Variants in GYG2 observed in about 807,000 individuals in gnomAD.
GYG2 encodes glycogenin-2.
GYG2 carries 29 observed loss-of-function variants against 29.4 expected under a neutral mutation model. The observed-to-expected ratio is 0.99, with a 90% CI of 0.74 to 1.35. The LOEUF is 1.35. Ranked by LOEUF, GYG2 falls within the 40% of genes most tolerant of loss-of-function variation. The probability of loss-of-function intolerance (pLI) is 0.00; values close to 1 mark genes in which losing one functional copy is unlikely to be tolerated. For missense variants in GYG2, 370 were observed against 385.7 expected (o/e 0.96, Z 0.34); for synonymous variants, 167 against 172.3 (o/e 0.97, Z 0.24).
intron 8 of GYG2, among the ~76,000 whole-genome samples, chrX:2,874,536 G>C (rs1258401448): frequency 9.0e-6 from 1 of 111,730 alleles, no homozygotes; most frequent in African/African-American, 3.3e-5. Flanking sequence ...TTCTTTCCTA[G>C]AATTTCTCAT....
chrX:2,830,646 C>CT (rs1347963627), intron 2 of GYG2, among the ~76,000 whole-genome samples: 1 of 112,052 alleles, frequency 8.9e-6, no homozygotes, highest in Non-Finnish European at 1.9e-5. Flanking sequence ...GATGGCCCGG[C>CT]TTGGTGGCTC....
At chrX:2,877,476 G>A (rs2088629906) in intron 10 of GYG2, 169 bp downstream of exon 10, 2 of 1,076,831 alleles carry the variant, frequency 1.9e-6, no homozygotes, top group Non-Finnish European at 2.4e-6. Context: ...CTTCTCTCTG[G>A]CATTTGCCTG....
intron 3 of GYG2, among the ~76,000 whole-genome samples, chrX:2,851,150 T>C (rs1042296266): frequency 8.9e-6 from 1 of 111,770 alleles, no homozygotes; most frequent in African/African-American, 3.3e-5. Flanking sequence ...ACAAACAAAA[T>C]GTTGAAAATA....
At chrX:2,841,751 G>A (rs1057462381) in intron 2 of GYG2, among the ~76,000 whole-genome samples, 1 of 111,738 alleles carries the variant, frequency 8.9e-6, no homozygotes, top group Admixed American at 9.5e-5. Context: ...CTGCTTCCGG[G>A]AAAGGCGCTG....
chrX:2,876,008 G>T (rs1176680786), intron 9 of GYG2, 94 bp downstream of exon 9: 4 of 367,950 alleles, frequency 1.1e-5, no homozygotes, highest in African/African-American at 6.0e-5. Flanking sequence ...CAGTGGGGGC[G>T]CCATAGGCTT....
At chrX:2,850,585 C>T (rs1456674792) in intron 3 of GYG2, among the ~76,000 whole-genome samples, 6 of 111,161 alleles carry the variant, frequency 5.4e-5, no homozygotes, top group Non-Finnish European at 1.1e-4. Context: ...ATGTACACAT[C>T]CAGATGGCCG....
intron 2 of GYG2, among the ~76,000 whole-genome samples, chrX:2,839,455 G>A (rs747118160): frequency 9.8e-4 from 109 of 111,180 alleles, no homozygotes; most frequent in Non-Finnish European, 1.9e-3. Flanking sequence ...TTTTAATTAC[G>A]TGATTGAATT....
At chrX:2,863,264 C>T (rs765032033) in intron 8 of GYG2, among the ~76,000 whole-genome samples, 2 of 109,682 alleles carry the variant, frequency 1.8e-5, no homozygotes, top group African/African-American at 3.3e-5. Flanking sequence ...TTAGTAGAGA[C>T]GGGGTTTCAC....
chrX:2,841,496 C>G (rs1308901282), intron 2 of GYG2, among the ~76,000 whole-genome samples: 1 of 111,372 alleles, frequency 9.0e-6, no homozygotes, highest in Non-Finnish European at 1.9e-5. Context: ...ATCTTTTGTT[C>G]TACAGAATTA....
At chrX:2,856,216 G>A (rs777386405) in intron 5 of GYG2, among the ~76,000 whole-genome samples, 6 of 111,392 alleles carry the variant, frequency 5.4e-5, no homozygotes, top group South Asian at 7.6e-4. Context: ...ATTCATTAGG[G>A]GACCAGTGGA....
intron 3 of GYG2, among the ~76,000 whole-genome samples, chrX:2,852,377 C>T: frequency 9.0e-6 from 1 of 111,581 alleles, no homozygotes; most frequent in Non-Finnish European, 1.9e-5. Context: ...CCTAGCTGGC[C>T]CCCTGTATTC....
At chrX:2,849,223 A>C (rs2087813353) in intron 3 of GYG2, among the ~76,000 whole-genome samples, 2 of 111,479 alleles carry the variant, frequency 1.8e-5, no homozygotes, top group South Asian at 7.6e-4. Flanking sequence ...CCCTCCCCCC[A>C]GCCCGGATCT....
rs769497147 is a variant in GYG2, at chrX:2,832,064, G to A, written c.7+1869G>A. On this transcript the variant is annotated intron_variant, in intron 2 of 10. Coordinates refer to ENST00000398806, the MANE Select transcript of GYG2 (RefSeq NM_001079855.2). ...TGGATGTTCTCTGGCGTCTGGCGCC[G>A]CACCAGGACTTGATCACCAGTTGTT... is the stretch of plus-strand genomic sequence containing the variant. 7.1e-5 allele frequency among the ~76,000 whole-genome samples: 8 copies of A among 112,759 alleles called. No individual in the cohort carries two copies. The South Asian group carries it at 1.1e-3, about 15-fold the overall frequency.
Position 2,878,233 on chromosome X carries a change from T to C in GYG2, c.1251+926T>C. On this transcript the variant is annotated intron_variant, in intron 10 of 10. Transcript: ENST00000398806. ...AGACCTACGTTGGACAGCTCAGCCA[T>C]GTGGTAGGTTTGGGATCCTGGATGA... 4.1e-6 allele frequency: 3 copies of C among 729,295 alleles called. No individual in the cohort carries two copies. In the South Asian group the frequency reaches 2.1e-4, roughly 51 times the overall value. The allele number at this position is 729,295 out of a possible 1,213,427, so 60.1% of individuals were successfully genotyped here.
At chrX:2,857,266 T>G (rs972377514) in intron 6 of GYG2, among the ~76,000 whole-genome samples, 1 of 85,114 alleles carries the variant, frequency 1.2e-5, no homozygotes, top group African/African-American at 5.2e-5. Flanking sequence ...TTCAGATAGA[T>G]CTGGATATCT....
intron 2 of GYG2, among the ~76,000 whole-genome samples, chrX:2,835,261 A>G (rs1193046427): frequency 9.0e-6 from 1 of 111,590 alleles, no homozygotes; most frequent in Non-Finnish European, 1.9e-5. Flanking sequence ...GAGAGAATAG[A>G]TTGTAAAGGT....
At chrX:2,869,375 C>A (rs2088395979) in intron 8 of GYG2, among the ~76,000 whole-genome samples, 1 of 110,763 alleles carries the variant, frequency 9.0e-6, no homozygotes, top group African/African-American at 3.3e-5. Flanking sequence ...TGGAACCAAT[C>A]CTCCATGGAT....
intron 1 of GYG2, 200 bp downstream of exon 1, chrX:2,829,175 G>A (rs2087197858): frequency 9.7e-6 from 1 of 102,690 alleles, no homozygotes; most frequent in Admixed American, 1.0e-4. Context: ...GCAAAGGAGG[G>A]GCGAGGGGCG....
chrX:2,873,742 G>A (rs762776548), intron 8 of GYG2, among the ~76,000 whole-genome samples: 13 of 110,508 alleles, frequency 1.2e-4, no homozygotes, highest in Admixed American at 4.9e-4. Flanking sequence ...TAAGCACCCC[G>A]CCCCCAGCCC....
Sources: allele counts gnomAD v4.1 joint callset (sites outside exome capture counted in the v4.1 genomes callset), GRCh38; gene constraint gnomAD v4.1.1; transcripts MANE v1.5; gene names NCBI Gene and HGNC (gene_info 2026-07-23, HGNC 2026-07-21).